RPS6KC1: variants seen among roughly 807,000 people sequenced by gnomAD.
The protein encoded by RPS6KC1 is ribosomal protein S6 kinase C1, also known as inactive ribosomal protein S6 kinase delta-1.
RPS6KC1 carries 54 observed loss-of-function variants against 103.8 expected under a neutral mutation model. The observed-to-expected ratio is 0.52, with a 90% CI of 0.42 to 0.65. The LOEUF is 0.65. Among genes scored for constraint, RPS6KC1 ranks in the 30% least tolerant of loss-of-function variants. The probability of loss-of-function intolerance (pLI) is 0.00; values close to 1 mark genes in which losing one functional copy is unlikely to be tolerated. For missense variants in RPS6KC1, 1,151 were observed against 1,253.8 expected (o/e 0.92, Z 1.24); for synonymous variants, 439 against 438.7 (o/e 1.00, Z -0.01).
chr1:213,090,351 C>T (rs1381863413), intron 3 of RPS6KC1, among the ~76,000 whole-genome samples: 1 of 152,098 alleles, frequency 6.6e-6, no homozygotes, highest in East Asian at 1.9e-4. Flanking sequence ...GCTGCATGAT[C>T]CAGAGACTGC....
At chr1:213,446,250 C>T in the RPS6KC1 span, among the ~76,000 whole-genome samples, 1 of 152,214 alleles carries the variant, frequency 6.6e-6, no homozygotes. Context: ...TTCGTACATC[C>T]AGGCAAGCCT....
intron 14 of RPS6KC1, among the ~76,000 whole-genome samples, chr1:213,271,406 C>T (rs1269176528): frequency 1.3e-5 from 2 of 151,846 alleles, no homozygotes; most frequent in African/African-American, 2.4e-5. Context: ...CAGTGGTTGC[C>T]GAGGGCTGGG....
At chr1:213,286,426 C>G in the RPS6KC1 span, among the ~76,000 whole-genome samples, 1 of 152,150 alleles carries the variant, frequency 6.6e-6, no homozygotes, top group Non-Finnish European at 1.5e-5. Flanking sequence ...CAAAAGGACT[C>G]AGAGCCTCCT....
At chr1:213,633,180 T>A in the RPS6KC1 span, among the ~76,000 whole-genome samples, 1 of 152,040 alleles carries the variant, frequency 6.6e-6, no homozygotes, top group African/African-American at 2.4e-5. Flanking sequence ...AACATTCAAA[T>A]TCAGGAAATA....
the RPS6KC1 span, among the ~76,000 whole-genome samples, chr1:213,845,205 T>A: frequency 1.2e-3 from 188 of 152,350 alleles, 1 homozygote; most frequent in Non-Finnish European, 5.1e-4. Flanking sequence ...AATTATTGAC[T>A]GTAGGCTGTC....
chr1:213,655,265 A>G, the RPS6KC1 span, among the ~76,000 whole-genome samples: 6 of 151,750 alleles, frequency 4.0e-5, no homozygotes, highest in Non-Finnish European at 7.4e-5. Flanking sequence ...CTGGTCTCGA[A>G]CTCCTGGCCT....
chr1:213,699,653 C>T, the RPS6KC1 span, among the ~76,000 whole-genome samples: 2 of 152,070 alleles, frequency 1.3e-5, no homozygotes, highest in Non-Finnish European at 2.9e-5. Flanking sequence ...AACTAATTTA[C>T]ATTTCCACCA....
chr1:213,430,954 T>C, the RPS6KC1 span, among the ~76,000 whole-genome samples: 2 of 152,190 alleles, frequency 1.3e-5, no homozygotes, highest in Non-Finnish European at 2.9e-5. Context: ...CTCTGCACTC[T>C]ACCTGAATTC....
chr1:213,725,708 G>A, the RPS6KC1 span, among the ~76,000 whole-genome samples: 16 of 152,240 alleles, frequency 1.1e-4, no homozygotes, highest in East Asian at 2.1e-3. Flanking sequence ...AGAAAAAATC[G>A]AACCCTGTTC....
At chr1:213,572,274 T>C in the RPS6KC1 span, among the ~76,000 whole-genome samples, 3 of 152,234 alleles carry the variant, frequency 2.0e-5, no homozygotes, top group African/African-American at 7.2e-5. Flanking sequence ...TCAGAAGGAC[T>C]CACTGATTAA....
the RPS6KC1 span, among the ~76,000 whole-genome samples, chr1:213,804,182 A>AC: frequency 6.7e-6 from 1 of 149,530 alleles, no homozygotes; most frequent in African/African-American, 2.4e-5. Context: ...TTAAAAAAAA[A>AC]AAAAAAAAAA....
At chr1:213,311,778 T>C in the RPS6KC1 span, among the ~76,000 whole-genome samples, 1 of 152,020 alleles carries the variant, frequency 6.6e-6, no homozygotes, top group Non-Finnish European at 1.5e-5. Flanking sequence ...TTATTATCAA[T>C]TAGCACTGGA....
At chr1:213,337,231 T>C in the RPS6KC1 span, among the ~76,000 whole-genome samples, 2 of 152,256 alleles carry the variant, frequency 1.3e-5, no homozygotes, top group Admixed American at 6.5e-5. Flanking sequence ...CCAGGCTTAA[T>C]ACAGGCTAAG....
At chr1:213,644,628 C>A in the RPS6KC1 span, among the ~76,000 whole-genome samples, 1 of 151,804 alleles carries the variant, frequency 6.6e-6, no homozygotes, top group East Asian at 1.9e-4. Context: ...AAGAATGTAG[C>A]CTTTTTAGTT....
At chr1:213,315,399 T>C in the RPS6KC1 span, among the ~76,000 whole-genome samples, 2 of 152,242 alleles carry the variant, frequency 1.3e-5, no homozygotes, top group Admixed American at 6.5e-5. Context: ...CCACACATTA[T>C]ATCATAAAGC....
downstream of RPS6KC1, chr1:213,274,838 T>C: frequency 6.6e-6 from 1 of 152,162 alleles, no homozygotes. Context: ...ATTTTATCCG[T>C]TTTAAAATAT....
the RPS6KC1 span, among the ~76,000 whole-genome samples, chr1:213,646,897 A>ATATATTTT: frequency 0.019 from 2,873 of 150,504 alleles, 99 homozygotes; most frequent in African/African-American, 0.067. Context: ...ATATATATAT[A>ATATATTTT]TTTTTGTTTG....
chr1:213,631,570 A>G, the RPS6KC1 span, among the ~76,000 whole-genome samples: 3 of 152,222 alleles, frequency 2.0e-5, no homozygotes, highest in East Asian at 1.9e-4. Context: ...ATGTTTTTCT[A>G]TACAAAAATT....
chr1:213,365,720 T>C, the RPS6KC1 span, among the ~76,000 whole-genome samples: 2 of 152,204 alleles, frequency 1.3e-5, no homozygotes. Context: ...ATAGAGAACA[T>C]GAGCTAATAC....
Sources: allele counts gnomAD v4.1 joint callset (sites outside exome capture counted in the v4.1 genomes callset), GRCh38; gene constraint gnomAD v4.1.1; transcripts MANE v1.5; gene names NCBI Gene and HGNC (gene_info 2026-07-23, HGNC 2026-07-21).